Variants in DGKG observed in about 807,000 individuals in gnomAD.
DGKG encodes diacylglycerol kinase gamma.
DGKG carries 78 observed loss-of-function variants against 105.3 expected under a neutral mutation model. The observed-to-expected ratio is 0.74, with a 90% CI of 0.62 to 0.89. The LOEUF is 0.89. DGKG is among the 40% of genes least tolerant of loss of function. DGKG has a pLI of 0.00. For missense variants in DGKG, 958 were observed against 1,020.1 expected, an observed-to-expected ratio of 0.94 and a Z score of 0.83; for synonymous variants, 346 against 367.1, an observed-to-expected ratio of 0.94 and a Z score of 0.66.
chr3:186,336,367 C>T (rs992594365), intron 1 of DGKG, among the ~76,000 whole-genome samples: 1 of 151,952 alleles, frequency 6.6e-6, no homozygotes, highest in Non-Finnish European at 1.5e-5. Flanking sequence ...TCCATGCATT[C>T]TTAAGTAACT....
Position 186,284,255 on chromosome 3 carries a change from C to T in DGKG, c.594+405G>A, listed in dbSNP as rs1234683172. Among the ~76,000 whole-genome samples the T allele has an allele frequency of 6.6e-6, 1 of 152,156 alleles. No homozygotes were observed. ...GTAACCAGCAGCCTCCTTCCTTGCACATCAACAGTAACCAGCAGCCTCCTT... is the reference window on the plus strand; with the variant it reads ...GTAACCAGCAGCCTCCTTCCTTGCATATCAACAGTAACCAGCAGCCTCCTT... On this transcript the variant is annotated intron_variant, in intron 7 of 24. Transcript: ENST00000265022. This position sits in a 1 kb window ranked among gnomAD's most constrained non-coding sequence, Gnocchi z 4.0.
chr3:186,349,569 G>A (rs1726528358), intron 1 of DGKG, among the ~76,000 whole-genome samples: 3 of 152,034 alleles, frequency 2.0e-5, no homozygotes, highest in African/African-American at 7.3e-5. Context: ...TTTAAAGAGT[G>A]ACATTAGCTT....
At chr3:186,347,589 T>C (rs1164749497) in intron 1 of DGKG, among the ~76,000 whole-genome samples, 4 of 152,076 alleles carry the variant, frequency 2.6e-5, no homozygotes, top group African/African-American at 9.7e-5. Context: ...ATTTTTTTTC[T>C]TTTCTTTTTT....
At position 186,226,075 on chromosome 3, in the gene DGKG, C is replaced by T. The variant is rs73056016; in HGVS notation, c.1827-14190G>A. Reference sequence around the variant, plus strand: ...CAACCTGGTAGATAGATCAACTATTCCACAATCATGGAACACTGAGAAATG... The same window carrying T: ...CAACCTGGTAGATAGATCAACTATTTCACAATCATGGAACACTGAGAAATG... On this transcript the variant is annotated intron_variant, in intron 20 of 24. Coordinates refer to ENST00000265022, the MANE Select transcript of DGKG (RefSeq NM_001346.3). The surrounding 1 kb of genome is among the most constrained non-coding windows in gnomAD (Gnocchi z 4.2). 0.028 allele frequency among the ~76,000 whole-genome samples: 4,211 copies of T among 152,248 alleles called. 194 individuals are homozygous for T. The highest frequency in any genetic ancestry group is 0.096 in the African/African-American group (3,984 of 41,516).
intron 1 of DGKG, among the ~76,000 whole-genome samples, chr3:186,332,833 C>T (rs1173006710): frequency 6.6e-6 from 1 of 151,970 alleles, no homozygotes; most frequent in Non-Finnish European, 1.5e-5. Context: ...AGGACACTGC[C>T]CTAGTGAATG....
At chr3:186,187,562 C>T (rs757864810) in intron 22 of DGKG, among the ~76,000 whole-genome samples, 2 of 152,172 alleles carry the variant, frequency 1.3e-5, no homozygotes, top group African/African-American at 2.4e-5. Context: ...ATGACACAGG[C>T]TGCTGGACAT....
chr3:186,147,437 A>G lies in DGKG; in HGVS notation c.*2653T>C. ...AGAGGTTGCTATGAGGGTCACTATG[A>G]TGAGGGACTCCACCACAAGAAACCA... is the stretch of plus-strand genomic sequence containing the variant. On this transcript the variant is annotated 3_prime_UTR_variant, in exon 25 of 25. Transcript: ENST00000265022. 1.0e-6 allele frequency: 1 copy of G among 984,976 alleles called. No individual in the cohort carries two copies. Among genetic ancestry groups the G allele is most frequent in the Non-Finnish European group, 1.2e-6 (1 of 829,410 alleles). 61.0% of individuals were successfully genotyped at this position (984,976 alleles called of 1,614,324 possible). A position where few individuals can be genotyped will look rare whatever the true frequency, so the allele number is the denominator to read the frequency against.
chr3:186,298,526 G>T (rs1723710258), intron 3 of DGKG, among the ~76,000 whole-genome samples: 1 of 152,214 alleles, frequency 6.6e-6, no homozygotes. Flanking sequence ...TGTAAATTTA[G>T]ATAAAAAGGG....
chr3:186,333,627 G>T (rs1241095451), intron 1 of DGKG, among the ~76,000 whole-genome samples: 2 of 152,108 alleles, frequency 1.3e-5, no homozygotes, highest in Non-Finnish European at 2.9e-5. Flanking sequence ...CATAGAACAG[G>T]TAAGATTTTC....
intron 17 of DGKG, 86 bp downstream of exon 17, chr3:186,257,768 T>C (rs1721554022): frequency 2.9e-6 from 3 of 1,038,776 alleles, no homozygotes; most frequent in African/African-American, 1.6e-5. Context: ...CATGGCTCCA[T>C]GTCTCTTTCT....
intron 1 of DGKG, among the ~76,000 whole-genome samples, chr3:186,342,322 A>G (rs916180360): frequency 6.6e-6 from 1 of 152,282 alleles, no homozygotes; most frequent in East Asian, 1.9e-4. Flanking sequence ...CATTATGAGC[A>G]TTTTCTACAG....
chr3:186,339,598 C>T (rs1725992079), intron 1 of DGKG, among the ~76,000 whole-genome samples: 1 of 152,134 alleles, frequency 6.6e-6, no homozygotes. Context: ...TAGGAATGTG[C>T]TATTTCATTT....
intron 1 of DGKG, among the ~76,000 whole-genome samples, chr3:186,355,571 T>C (rs1192433762): frequency 7.0e-6 from 1 of 143,844 alleles, no homozygotes; most frequent in Non-Finnish European, 1.5e-5. Context: ...TTACCACCAT[T>C]ACCCCCACCA....
At chr3:186,236,736 T>C (rs1307813026) in intron 20 of DGKG, among the ~76,000 whole-genome samples, 2 of 152,232 alleles carry the variant, frequency 1.3e-5, no homozygotes, top group African/African-American at 4.8e-5. Flanking sequence ...AGTCAAGGGC[T>C]TTTGAGAAAG....
chr3:186,352,254 G>A (rs1392437649), intron 1 of DGKG, among the ~76,000 whole-genome samples: 1 of 152,138 alleles, frequency 6.6e-6, no homozygotes, highest in Admixed American at 6.5e-5. Flanking sequence ...ATTGGTCTGA[G>A]TCAATAGACG....
At chr3:186,287,011 G>T (rs1306649265) in intron 6 of DGKG, among the ~76,000 whole-genome samples, 2 of 130,360 alleles carry the variant, frequency 1.5e-5, no homozygotes, top group Non-Finnish European at 3.2e-5. Flanking sequence ...TCTAGCTTGG[G>T]CAACAAGAGC....
At chr3:186,335,216 C>T (rs561889924) in intron 1 of DGKG, among the ~76,000 whole-genome samples, 34 of 152,164 alleles carry the variant, frequency 2.2e-4, no homozygotes, top group Middle Eastern at 3.4e-3. Flanking sequence ...GGACAACAGG[C>T]GCCTACTACT....
chr3:186,257,752 A>T (rs893928787), intron 17 of DGKG, 102 bp downstream of exon 17: 1 of 873,582 alleles, frequency 1.1e-6, no homozygotes, highest in Non-Finnish European at 1.9e-6. Flanking sequence ...TACAAGGATG[A>T]ACAGACATGG....
At chr3:186,347,236 CAGG>C (rs1249678333) in intron 1 of DGKG, among the ~76,000 whole-genome samples, 5 of 151,922 alleles carry the variant, frequency 3.3e-5, no homozygotes. Flanking sequence ...ATCACGAGGT[CAGG>C]AGATCGAGAC....
Sources: gnomAD v4.1 joint callset for allele counts (sites outside exome capture counted in the v4.1 genomes callset) on GRCh38, gnomAD v4.1.1 for gene constraint, Gnocchi (gnomAD v3.1) non-coding constraint, MANE v1.5 for transcripts, NCBI Gene and HGNC (gene_info 2026-07-23, HGNC 2026-07-21) for gene names.